ENAH: variants seen among roughly 807,000 people sequenced by gnomAD.
The protein encoded by ENAH is protein enabled homolog.
Under a neutral mutation model 78.7 loss-of-function variants are expected in ENAH, and 23 were observed. The observed-to-expected ratio is 0.29, with a 90% CI of 0.21 to 0.41. The LOEUF is 0.41. Ranked by LOEUF, ENAH falls within the 10% of genes least tolerant of loss-of-function variation. The pLI is 1.00. For synonymous variants in ENAH, 226 were observed against 241.0 expected, an observed-to-expected ratio of 0.94 and a Z score of 0.58; for missense variants, 544 against 691.0, an observed-to-expected ratio of 0.79 and a Z score of 2.39.
At chr1:225,563,619 G>C (rs2096719717) in intron 2 of ENAH, among the ~76,000 whole-genome samples, 1 of 152,076 alleles carries the variant, frequency 6.6e-6, no homozygotes, top group Non-Finnish European at 1.5e-5. Flanking sequence ...ACAATGATAA[G>C]CCCTATTTGA....
At chr1:225,583,856 A>G (rs987566532) in intron 1 of ENAH, among the ~76,000 whole-genome samples, 3 of 151,988 alleles carry the variant, frequency 2.0e-5, no homozygotes, top group African/African-American at 7.2e-5. Flanking sequence ...AAGAGCATCA[A>G]AAATGGTAAA....
chr1:225,650,557 T>G (rs1662769556), intron 1 of ENAH, among the ~76,000 whole-genome samples: 1 of 152,106 alleles, frequency 6.6e-6, no homozygotes, highest in South Asian at 2.1e-4. Flanking sequence ...TATTTAAAAA[T>G]AACCCACTTT....
rs190602466 is a variant in ENAH, at chr1:225,517,611, A to G, written c.803-305T>C. The stretch of plus-strand genomic sequence containing the variant: ...CTGGGGGGCTGCTAATCATTATTGG[A>G]GGAGATGGAGGGAGGGGCGAAAAAT... On this transcript the variant is annotated intron_variant, in intron 5 of 13. Coordinates refer to ENST00000366843, the MANE Select transcript of ENAH (RefSeq NM_018212.6). 1.1e-4 allele frequency: 175 copies of G among 1,551,042 alleles called. 1 individual carries two copies. The highest frequency in any genetic ancestry group is 1.7e-6 in the Non-Finnish European group (2 of 1,146,924).
At chr1:225,503,924 A>G (rs1014137018) in intron 11 of ENAH, among the ~76,000 whole-genome samples, 4 of 152,110 alleles carry the variant, frequency 2.6e-5, no homozygotes, top group Non-Finnish European at 5.9e-5. Flanking sequence ...GTAAAATAAC[A>G]TAAATATATT....
chr1:225,566,930 A>C (rs1263508433), intron 2 of ENAH, among the ~76,000 whole-genome samples: 1 of 152,214 alleles, frequency 6.6e-6, no homozygotes, highest in African/African-American at 2.4e-5. Context: ...ATAAACATAC[A>C]ATCTGCCACT....
At position 225,590,082 on chromosome 1, in the gene ENAH, A is replaced by AACACACACACACACAC. The variant is rs3050220; in HGVS notation, c.6-22684_6-22669dup. 3.4e-4 allele frequency among the ~76,000 whole-genome samples: 45 copies of AACACACACACACACAC among 131,416 alleles called. 1 individual carries two copies. Among genetic ancestry groups the AACACACACACACACAC allele is most frequent in the Non-Finnish European group, 5.5e-4 (34 of 61,484 alleles). 86.2% of individuals were successfully genotyped at this position (131,416 alleles called of 152,430 possible). On this transcript the variant is annotated intron_variant, in intron 1 of 13. Transcript: ENST00000366843. The stretch of plus-strand genomic sequence containing the variant: ...GACTAATTGCCTCCCCTCATCACTC[A>AACACACACACACACAC]ACACACACACACACACACACACACA...
intron 1 of ENAH, among the ~76,000 whole-genome samples, chr1:225,587,282 C>A (rs1250003393): frequency 6.6e-6 from 1 of 152,068 alleles, no homozygotes; most frequent in Non-Finnish European, 1.5e-5. Flanking sequence ...TATGGAAAAT[C>A]CTAAGGAATC....
chr1:225,542,121 A>C lies in ENAH; in HGVS notation c.350-11483T>G, dbSNP rs535591751. Among the ~76,000 whole-genome samples the C allele has an allele frequency of 7.2e-4, 110 of 152,250 alleles. 1 individual carries two copies. Among genetic ancestry groups the C allele is most frequent in the African/African-American group, 2.5e-3 (103 of 41,550 alleles). ...GGTCTTAAAATCTTGACCTCAAGTG[A>C]TCCTTTCACCTTGGCCTCCTGAACT... On this transcript the variant is annotated intron_variant, in intron 3 of 13. Coordinates refer to ENST00000366843, the MANE Select transcript of ENAH (RefSeq NM_018212.6).
intron 1 of ENAH, among the ~76,000 whole-genome samples, chr1:225,606,834 C>T (rs12729818): frequency 9.2e-6 from 1 of 108,450 alleles, no homozygotes; most frequent in African/African-American, 4.0e-5. Flanking sequence ...CAGTGCAAGA[C>T]TCTGTCTCAA....
intron 5 of ENAH, chr1:225,518,007 A>AAGC: frequency 6.5e-7 from 1 of 1,529,522 alleles, no homozygotes; most frequent in South Asian, 1.2e-5. Flanking sequence ...AGAAGGTGGA[A>AAGC]AGCAGCAGCA....
intron 1 of ENAH, among the ~76,000 whole-genome samples, chr1:225,591,576 C>T (rs2096876243): frequency 6.6e-6 from 1 of 151,238 alleles, no homozygotes; most frequent in Non-Finnish European, 1.5e-5. Context: ...ACCATCCTGG[C>T]CAACATGGTG....
intron 1 of ENAH, among the ~76,000 whole-genome samples, chr1:225,644,523 T>C (rs1052153319): frequency 6.6e-6 from 1 of 152,196 alleles, no homozygotes; most frequent in African/African-American, 2.4e-5. Flanking sequence ...ATAATAATTA[T>C]TAAGACTGCA....
At chr1:225,573,625 G>A (rs1379009704) in intron 1 of ENAH, among the ~76,000 whole-genome samples, 1 of 152,014 alleles carries the variant, frequency 6.6e-6, no homozygotes, top group Non-Finnish European at 1.5e-5. Flanking sequence ...ACAAATACCA[G>A]ACGAGAAAAA....
chr1:225,518,061 GC>G, intron 5 of ENAH: 1 of 1,348,364 alleles, frequency 7.4e-7, no homozygotes, highest in African/African-American at 1.5e-5. Flanking sequence ...AGCTAGTGAA[GC>G]CACAAAACCA....
chr1:225,562,844 A>G (rs918094501), intron 2 of ENAH, among the ~76,000 whole-genome samples: 5 of 151,744 alleles, frequency 3.3e-5, no homozygotes, highest in Non-Finnish European at 7.4e-5. Context: ...ACAGTGGCTC[A>G]TGCCTATAAT....
At position 225,653,011 on chromosome 1, in the gene ENAH, AG is replaced by A; in HGVS notation, c.-322del. ...CCGGAGCTTCCTCGGCCGCCCTCTG[AG>A]GGGTGCCCGCCGGGGCCGCGCGCCC... On this transcript the variant is annotated 5_prime_UTR_variant, in exon 1 of 14. Transcript: ENST00000366843. The surrounding 1 kb of genome is among the most constrained non-coding windows in gnomAD (Gnocchi z 4.3). The A allele has an allele frequency of 4.2e-6, 1 of 237,878 alleles. No homozygotes were observed. The highest frequency in any genetic ancestry group is 2.3e-5 in the African/African-American group (1 of 43,730). The allele number at this position is 237,878 out of a possible 1,614,324, so 14.7% of individuals were successfully genotyped here.
At chr1:225,595,164 C>T (rs2096896419) in intron 1 of ENAH, among the ~76,000 whole-genome samples, 1 of 152,206 alleles carries the variant, frequency 6.6e-6, no homozygotes, top group South Asian at 2.1e-4. Context: ...GAAACCCCGG[C>T]TCTACTAAAA....
intron 1 of ENAH, among the ~76,000 whole-genome samples, chr1:225,643,675 C>T (rs1377882415): frequency 6.6e-6 from 1 of 152,160 alleles, no homozygotes; most frequent in Non-Finnish European, 1.5e-5. Flanking sequence ...GCAGCTCATG[C>T]CTGTAATCCG....
At chr1:225,569,143 A>C (rs1480831901) in intron 1 of ENAH, among the ~76,000 whole-genome samples, 2 of 152,266 alleles carry the variant, frequency 1.3e-5, no homozygotes, top group Non-Finnish European at 2.9e-5. Context: ...AGATTACATG[A>C]AACAAGCCAA....
Sources: gnomAD v4.1 joint callset for allele counts (sites outside exome capture counted in the v4.1 genomes callset) on GRCh38, gnomAD v4.1.1 for gene constraint, Gnocchi (gnomAD v3.1) non-coding constraint, MANE v1.5 for transcripts, NCBI Gene and HGNC (gene_info 2026-07-23, HGNC 2026-07-21) for gene names.